NR2C2: variants seen among roughly 807,000 people sequenced by gnomAD.
NR2C2 encodes nuclear receptor subfamily 2 group C member 2.
NR2C2 carries 6 observed loss-of-function variants against 62.9 expected under a neutral mutation model. That is an observed-to-expected ratio of 0.10 (90% CI 0.05 to 0.19). The LOEUF (loss-of-function observed/expected upper bound fraction) is 0.19. Among genes scored for constraint, NR2C2 ranks in the 10% least tolerant of loss-of-function variants. The pLI is 1.00. For synonymous variants in NR2C2, 272 were observed against 273.8 expected, an observed-to-expected ratio of 0.99 and a Z score of 0.07; for missense variants, 479 against 762.7, an observed-to-expected ratio of 0.63 and a Z score of 4.38.
intron 4 of NR2C2, among the ~76,000 whole-genome samples, chr3:15,019,717 TAGAAAC>T (rs959776903): frequency 3.2e-4 from 48 of 151,646 alleles, no homozygotes; most frequent in African/African-American, 1.0e-3. Context: ...ATTGATATCA[TAGAAAC>T]AGAGAGTAGA....
Position 14,960,753 on chromosome 3 carries a change from C to T in NR2C2, c.-40+12847C>T, listed in dbSNP as rs1312735925. 8.5e-5 allele frequency among the ~76,000 whole-genome samples: 13 copies of T among 152,210 alleles called. No homozygotes were observed. In the South Asian group the frequency reaches 2.1e-3, roughly 24 times the overall value. On this transcript the variant is annotated intron_variant, in intron 1 of 13. Coordinates refer to ENST00000425241, the MANE Select transcript of NR2C2 (RefSeq NM_001291694.2). ...ATGTTTAGATTTATTTTTTAATGTA[C>T]AGTACCTATTGGCTATCCATTTCTT...
intron 13 of NR2C2, among the ~76,000 whole-genome samples, chr3:15,041,297 C>T (rs1379249669): frequency 6.6e-6 from 1 of 152,126 alleles, no homozygotes; most frequent in East Asian, 1.9e-4. Context: ...GCCTCCCATC[C>T]CTCCCCATTC....
chr3:14,981,065 C>T (rs183959165), intron 1 of NR2C2, among the ~76,000 whole-genome samples: 33 of 152,318 alleles, frequency 2.2e-4, no homozygotes, highest in African/African-American at 5.8e-4. Context: ...ATCAAATTCA[C>T]GTTGCAGAAC....
Position 15,045,525 on chromosome 3 carries a change from G to A in NR2C2, c.*2517G>A, listed in dbSNP as rs1178282959. The A allele has an allele frequency of 6.6e-6, 1 of 152,530 alleles. No homozygotes were observed. Among genetic ancestry groups the A allele is most frequent in the Admixed American group, 6.6e-5 (1 of 15,250 alleles). 9.4% of individuals were successfully genotyped at this position (152,530 alleles called of 1,614,324 possible). A position where few individuals can be genotyped will look rare whatever the true frequency, so the allele number is the denominator to read the frequency against. On this transcript the variant is annotated 3_prime_UTR_variant, in exon 14 of 14. Transcript: ENST00000425241. Reference sequence around the variant, plus strand: ...TTGGGCTTTGAACACCTCTTGGTTGGTTTCTGAGATCCTCTTGGCCTTACT... The same window carrying A: ...TTGGGCTTTGAACACCTCTTGGTTGATTTCTGAGATCCTCTTGGCCTTACT...
chr3:15,026,373 G>A (rs1248271850), intron 7 of NR2C2: 1 of 152,092 alleles, frequency 6.6e-6, no homozygotes, highest in Non-Finnish European at 1.5e-5. Context: ...CACCCTTTTA[G>A]TGTATAATGT....
In NR2C2 at chr3:15,015,129, T is replaced by C. The variant is rs572236573; in HGVS notation, c.274-1023T>C. 7.2e-5 allele frequency among the ~76,000 whole-genome samples: 11 copies of C among 152,348 alleles called. 1 individual carries two copies. The East Asian group carries it at 1.9e-3, about 27-fold the overall frequency. ...ATCTGAAATCAGAATTCCTTCCTCC[T>C]CCTTTAGAGTACTCCTTGTCTGTGA... On this transcript the variant is annotated intron_variant, in intron 3 of 13. Coordinates refer to ENST00000425241, the MANE Select transcript of NR2C2 (RefSeq NM_001291694.2).
At chr3:15,011,197 G>A (rs1351235623) in intron 2 of NR2C2, among the ~76,000 whole-genome samples, 1 of 152,128 alleles carries the variant, frequency 6.6e-6, no homozygotes, top group Non-Finnish European at 1.5e-5. Flanking sequence ...AAATTAGCTG[G>A]GTGTGGTGGC....
At chr3:14,961,527 T>C (rs551851600) in intron 1 of NR2C2, among the ~76,000 whole-genome samples, 9 of 152,202 alleles carry the variant, frequency 5.9e-5, no homozygotes, top group African/African-American at 9.6e-5. Flanking sequence ...CAATAGTGAA[T>C]GTCCAGAAAT....
intron 2 of NR2C2, 80 bp downstream of exon 2, chr3:15,004,066 A>G (rs536035843): frequency 2.5e-6 from 3 of 1,191,838 alleles, no homozygotes; most frequent in East Asian, 2.6e-5. Flanking sequence ...GGGTTTCACT[A>G]AAGAGTTGTG....
intron 1 of NR2C2, among the ~76,000 whole-genome samples, chr3:15,001,318 G>GTTTTTTTTTTTTTTTTTTTGT (rs2040990145): frequency 2.1e-5 from 2 of 97,484 alleles, no homozygotes; most frequent in Non-Finnish European, 4.1e-5. Context: ...TTTGTTTTGG[G>GTTTTTTTTTTTTTTTTTTTGT]TTTTTTTTTT....
intron 7 of NR2C2, among the ~76,000 whole-genome samples, chr3:15,028,196 A>T (rs2041876396): frequency 1.3e-5 from 2 of 152,098 alleles, no homozygotes; most frequent in Admixed American, 1.3e-4. Context: ...TCTTTTTATT[A>T]TTGAGTTGTT....
At position 15,046,514 on chromosome 3, in the gene NR2C2, C is replaced by G. The variant is rs1191825424; in HGVS notation, c.*3506C>G. On this transcript the variant is annotated 3_prime_UTR_variant, in exon 14 of 14. Transcript: ENST00000425241. Reference sequence around the variant, plus strand: ...CATAGTCCTTTGAGGACATTTCCTGCAGAGCACTCTTGCTCACAGCCCGCC... The same window carrying G: ...CATAGTCCTTTGAGGACATTTCCTGGAGAGCACTCTTGCTCACAGCCCGCC... 1 of 152,270 alleles carries G rather than the reference C, an allele frequency of 6.6e-6. No individual in the cohort carries two copies. Among genetic ancestry groups the G allele is most frequent in the Non-Finnish European group, 1.5e-5 (1 of 68,058 alleles). The allele number at this position is 152,270 out of a possible 1,614,324, so 9.4% of individuals were successfully genotyped here.
At chr3:14,949,964 C>G (rs2039300454) in intron 1 of NR2C2, among the ~76,000 whole-genome samples, 1 of 152,138 alleles carries the variant, frequency 6.6e-6, no homozygotes, top group South Asian at 2.1e-4. Context: ...TTTGTGTAAG[C>G]TACCTTTCCT....
At chr3:14,957,190 C>T (rs181273393) in intron 1 of NR2C2, among the ~76,000 whole-genome samples, 1 of 152,298 alleles carries the variant, frequency 6.6e-6, no homozygotes, top group Admixed American at 6.5e-5. Flanking sequence ...TATTTATAAG[C>T]CATGTAACAC....
At chr3:14,980,470 C>T (rs369827388) in intron 1 of NR2C2, among the ~76,000 whole-genome samples, 2 of 152,068 alleles carry the variant, frequency 1.3e-5, no homozygotes, top group Non-Finnish European at 2.9e-5. Context: ...GCCTAAAATT[C>T]TTACTCTTAA....
At chr3:14,975,234 C>T (rs1489513586) in intron 1 of NR2C2, among the ~76,000 whole-genome samples, 1 of 152,104 alleles carries the variant, frequency 6.6e-6, no homozygotes, top group Non-Finnish European at 1.5e-5. Flanking sequence ...TGACTAATTG[C>T]CCTGGCTAGG....
At chr3:14,979,530 A>C (rs1390919851) in intron 1 of NR2C2, among the ~76,000 whole-genome samples, 1 of 152,266 alleles carries the variant, frequency 6.6e-6, no homozygotes, top group African/African-American at 2.4e-5. Flanking sequence ...ATCAAAAGTG[A>C]CAGGAATTAC....
intron 1 of NR2C2, among the ~76,000 whole-genome samples, chr3:14,976,602 CTTTTTTTTTT>C (rs533538010): frequency 1.1e-5 from 1 of 90,740 alleles, no homozygotes; most frequent in Non-Finnish European, 2.1e-5. Context: ...TCCTTCCTTC[CTTTTTTTTTT>C]TTTTTTTTTT....
intron 6 of NR2C2, among the ~76,000 whole-genome samples, chr3:15,023,650 A>G (rs769301901): frequency 1.3e-5 from 2 of 152,234 alleles, no homozygotes; most frequent in Non-Finnish European, 2.9e-5. Flanking sequence ...TCTGCAGTAC[A>G]CACAAAAGGC....
Sources: gnomAD v4.1 joint callset for allele counts (sites outside exome capture counted in the v4.1 genomes callset) on GRCh38, gnomAD v4.1.1 for gene constraint, MANE v1.5 for transcripts, NCBI Gene and HGNC (gene_info 2026-07-23, HGNC 2026-07-21) for gene names.